Variants in CD38 observed in about 807,000 individuals in gnomAD.
The protein encoded by CD38 is ADP-ribosyl cyclase/cyclic ADP-ribose hydrolase 1.
A neutral mutation model predicts 36.3 loss-of-function variants in CD38; 31 were observed. That is an observed-to-expected ratio of 0.85 (90% confidence interval 0.64 to 1.15). The LOEUF (loss-of-function observed/expected upper bound fraction) is 1.15, where lower values mean the gene tolerates loss of function less well. Among genes scored for constraint, CD38 ranks in the 50% most tolerant of loss-of-function variants. The probability of loss-of-function intolerance (pLI) is 0.00; values close to 1 mark genes in which losing one functional copy is unlikely to be tolerated. For missense variants in CD38, 380 were observed against 371.9 expected, an observed-to-expected ratio of 1.02 and a Z score of -0.18; for synonymous variants, 131 against 135.2, an observed-to-expected ratio of 0.97 and a Z score of 0.22.
chr4:15,792,455 C>CA (rs1723023879), intron 1 of CD38, among the ~76,000 whole-genome samples: 2 of 135,844 alleles, frequency 1.5e-5, no homozygotes, highest in Admixed American at 7.0e-5. Context: ...AGGAATGAAT[C>CA]AAGAAAAAAA....
At chr4:15,833,099 G>A (rs996049275) in intron 3 of CD38, among the ~76,000 whole-genome samples, 1 of 152,170 alleles carries the variant, frequency 6.6e-6, no homozygotes, top group Non-Finnish European at 1.5e-5. Context: ...ATGCTGCCTG[G>A]CCTGGGACTC....
chr4:15,787,544 T>A (rs1241773649), intron 1 of CD38, among the ~76,000 whole-genome samples: 19 of 152,216 alleles, frequency 1.2e-4, no homozygotes, highest in Admixed American at 9.8e-4. Context: ...GTCCTGAGGC[T>A]TCAGGGTCAC....
chr4:15,838,123 T>A lies in CD38; in HGVS notation c.617T>A (p.Val206Glu). 6.2e-7 allele frequency: 1 copy of A among 1,613,948 alleles called. No homozygotes were observed. Among genetic ancestry groups the A allele is most frequent in the South Asian group, 1.1e-5 (1 of 91,078 alleles). The change falls in exon 5 of 8, where the codon GTG becomes GAG. Residue 206 changes from valine to glutamate, a missense_variant. Transcript: ENST00000226279. Reference protein sequence around the residue: ...FAEAACDVVHVMLNGSRSKIF... With the variant: ...FAEAACDVVHEMLNGSRSKIF... ...GAAGCTGCCTGTGATGTGGTCCATG[T>A]GATGCTCAATGGATCCCGCAGTAAA... is the stretch of plus-strand genomic sequence containing the variant.
At chr4:15,825,500 G>A (rs547206802) in intron 3 of CD38, 2 of 153,192 alleles carry the variant, frequency 1.3e-5, no homozygotes, top group East Asian at 3.8e-4. Context: ...TACTAGTCCC[G>A]AGCTCCAACA....
Position 15,851,209 on chromosome 4 carries a change from T to G in CD38, c.*2607T>G, listed in dbSNP as rs1450747307. On this transcript the variant is annotated 3_prime_UTR_variant, in exon 8 of 8. Transcript: ENST00000226279. ...CTTCATTACCACAATGCCTCATCTC[T>G]ACCTCCTTTCCCCCTGTAGTTCCAA... is the stretch of plus-strand genomic sequence containing the variant. 1 of 152,250 alleles carries G rather than the reference T, an allele frequency of 6.6e-6. No individual in the cohort carries two copies. Among genetic ancestry groups the G allele is most frequent in the Non-Finnish European group, 1.5e-5 (1 of 68,090 alleles). 9.4% of individuals were successfully genotyped at this position (152,250 alleles called of 1,614,324 possible).
rs1203289767 is a variant in CD38 at position 15,791,159 on chromosome 4, G to A, written c.233+12512G>A. Among the ~76,000 whole-genome samples the A allele has an allele frequency of 3.1e-4, 33 of 106,868 alleles. No homozygotes were observed. The East Asian group carries it at 4.9e-3, about 16-fold the overall frequency. 70.1% of individuals were successfully genotyped at this position (106,868 alleles called of 152,430 possible). Reference sequence around the variant, plus strand: ...GCCCCTCTGCCCGGCCAGCCGCCCCGTCCGGGAGGGAGGTGGGGGGGTCAG... The same window carrying A: ...GCCCCTCTGCCCGGCCAGCCGCCCCATCCGGGAGGGAGGTGGGGGGGTCAG... On this transcript the variant is annotated intron_variant, in intron 1 of 7. Coordinates refer to ENST00000226279, the MANE Select transcript of CD38 (RefSeq NM_001775.4).
At chr4:15,799,078 G>T (rs915165442) in intron 1 of CD38, among the ~76,000 whole-genome samples, 3 of 152,044 alleles carry the variant, frequency 2.0e-5, no homozygotes, top group African/African-American at 7.2e-5. Flanking sequence ...TCTTATTTAA[G>T]AACTGATTTC....
At chr4:15,828,695 A>G (rs553767820) in intron 3 of CD38, among the ~76,000 whole-genome samples, 1 of 152,354 alleles carries the variant, frequency 6.6e-6, no homozygotes, top group Admixed American at 6.5e-5. Flanking sequence ...TTGTGTATAT[A>G]TACCACACTT....
intron 1 of CD38, among the ~76,000 whole-genome samples, chr4:15,780,504 T>G (rs1722666330): frequency 7.4e-6 from 1 of 135,934 alleles, no homozygotes; most frequent in African/African-American, 3.3e-5. Context: ...ATATTTTAGA[T>G]AATATTCTCT....
chr4:15,824,671 T>A (rs963639003), intron 2 of CD38, among the ~76,000 whole-genome samples: 1 of 140,578 alleles, frequency 7.1e-6, no homozygotes, highest in African/African-American at 2.9e-5. Context: ...TCATTTACAT[T>A]GTGACCTAGA....
intron 1 of CD38, among the ~76,000 whole-genome samples, chr4:15,779,575 G>A (rs997306060): frequency 2.6e-5 from 4 of 152,120 alleles, no homozygotes; most frequent in African/African-American, 7.2e-5. Context: ...GCAATCCGAG[G>A]AAACGAGCAA....
rs143575941 is a variant in CD38, at chr4:15,840,452, A to T, written c.753A>T (p.Arg251Ser). 73 of 1,578,348 alleles carry T rather than the reference A, an allele frequency of 4.6e-5. 1 individual carries two copies. In the African/African-American group the frequency reaches 9.4e-4, roughly 20 times the overall value. ...TAATACTTTCTTCTTTCTTCCCCAG[A>T]GACTTATGCCAGGATCCCACCATAA... ...WVIHGGREDS[R>S]DLCQDPTIKE... is the part of the protein sequence containing the mutation. Residue 251 changes from arginine (R) to serine (S), a missense_variant and splice_region_variant, in exon 7 of 8, where the codon AGA becomes AGT. By Grantham distance (110) the Arg-to-Ser change is moderately radical. Coordinates refer to ENST00000226279, the MANE Select transcript of CD38 (RefSeq NM_001775.4).
Position 15,850,631 on chromosome 4 carries a change from G to A in CD38, c.*2029G>A, listed in dbSNP as rs1240129827. 3.9e-5 allele frequency: 6 copies of A among 152,286 alleles called. No individual in the cohort carries two copies. Among genetic ancestry groups the A allele is most frequent in the African/African-American group, 1.4e-4 (6 of 41,424 alleles). The allele number at this position is 152,286 out of a possible 1,614,324, so 9.4% of individuals were successfully genotyped here. ...TGGTTCCTTTCTTCCTCCCCTGCTT[G>A]ACAATCCAGTTTCCCACAGGAGCCT... On this transcript the variant is annotated 3_prime_UTR_variant, in exon 8 of 8. Coordinates refer to ENST00000226279, the MANE Select transcript of CD38 (RefSeq NM_001775.4).
rs1723198301 is a variant in CD38 at position 15,800,635 on chromosome 4, T to C, written c.234-15876T>C. On this transcript the variant is annotated intron_variant, in intron 1 of 7. Coordinates refer to ENST00000226279, the MANE Select transcript of CD38 (RefSeq NM_001775.4). ...ATCTTTAAAAATTAGGGTTTTTGTTTTGTACAAATACTTGGAAATTAAGCA... is the reference window on the plus strand; with the variant it reads ...ATCTTTAAAAATTAGGGTTTTTGTTCTGTACAAATACTTGGAAATTAAGCA... Among the ~76,000 whole-genome samples the C allele has an allele frequency of 2.0e-5, 3 of 152,152 alleles. 1 individual carries two copies. The South Asian group carries it at 6.2e-4, about 32-fold the overall frequency.
chr4:15,824,258 A>G (rs1314932692), intron 2 of CD38, among the ~76,000 whole-genome samples: 4 of 152,172 alleles, frequency 2.6e-5, no homozygotes, highest in Non-Finnish European at 2.9e-5. Context: ...ATATTTACCT[A>G]TGTAACAAAC....
intron 7 of CD38, among the ~76,000 whole-genome samples, chr4:15,848,285 A>C (rs1431452492): frequency 1.3e-5 from 2 of 152,120 alleles, no homozygotes; most frequent in African/African-American, 4.8e-5. Flanking sequence ...GAAGCTTCGG[A>C]AGAGAGGAAA....
chr4:15,837,277 G>A (rs759011334), intron 4 of CD38, among the ~76,000 whole-genome samples: 1 of 152,168 alleles, frequency 6.6e-6, no homozygotes, highest in African/African-American at 2.4e-5. Context: ...AATCACTCAT[G>A]GATGTATGTG....
At chr4:15,835,461 A>G (rs1480234152) in intron 4 of CD38, among the ~76,000 whole-genome samples, 1 of 118,400 alleles carries the variant, frequency 8.4e-6, no homozygotes, top group African/African-American at 3.1e-5. Flanking sequence ...CCCTGCAACC[A>G]CCACCTCCTA....
At position 15,834,497 on chromosome 4, in the gene CD38, G is replaced by A. The variant is rs150203059; in HGVS notation, c.585+195G>A. Among the ~76,000 whole-genome samples the A allele has an allele frequency of 2.6e-3, 398 of 152,216 alleles. 1 individual carries two copies. The highest frequency in any genetic ancestry group is 4.5e-3 in the Non-Finnish European group (308 of 68,004). On this transcript the variant is annotated intron_variant, in intron 4 of 7. Coordinates refer to ENST00000226279, the MANE Select transcript of CD38 (RefSeq NM_001775.4). ...ATCCAATTTTAGAACATTCTTAGAG[G>A]GTCCATGGGCTCCAGTTGCAGAATC...
Sources: gnomAD v4.1 joint callset for allele counts (sites outside exome capture counted in the v4.1 genomes callset) on GRCh38, gnomAD v4.1.1 for gene constraint, MANE v1.5 for transcripts, NCBI Gene and HGNC (gene_info 2026-07-23, HGNC 2026-07-21) for gene names.